The following LARP4B variants were observed in gnomAD, a reference collection of about 807,000 sequenced individuals.
LARP4B encodes La ribonucleoprotein 4B.
A neutral mutation model predicts 89.8 loss-of-function variants in LARP4B; 12 were observed. The observed-to-expected ratio is 0.13, with a 90% CI of 0.09 to 0.22. The LOEUF is 0.22. Among genes scored for constraint, LARP4B ranks in the 10% least tolerant of loss-of-function variants. LARP4B has a pLI of 1.00. For synonymous variants in LARP4B, 367 were observed against 363.3 expected, an observed-to-expected ratio of 1.01 and a Z score of -0.12; for missense variants, 757 against 947.7, an observed-to-expected ratio of 0.80 and a Z score of 2.64.
At chr10:898,421 C>T (rs1836248579) in intron 1 of LARP4B, among the ~76,000 whole-genome samples, 1 of 152,164 alleles carries the variant, frequency 6.6e-6, no homozygotes, top group East Asian at 1.9e-4. Context: ...ATGTATCTGC[C>T]TGAAAACCTG....
downstream of LARP4B, chr10:808,641 C>T (rs1831630689): frequency 6.6e-6 from 1 of 152,216 alleles, no homozygotes; most frequent in Non-Finnish European, 1.5e-5. Flanking sequence ...GAAAAAGAAA[C>T]TTTCCACATG....
chr10:906,676 G>C (rs746877662), intron 1 of LARP4B, among the ~76,000 whole-genome samples: 1 of 152,242 alleles, frequency 6.6e-6, no homozygotes, highest in Admixed American at 6.5e-5. Context: ...TGAATGCCCA[G>C]TGAACACCTT....
chr10:927,761 T>C (rs933032564), intron 1 of LARP4B, among the ~76,000 whole-genome samples: 1 of 152,222 alleles, frequency 6.6e-6, no homozygotes, highest in Non-Finnish European at 1.5e-5. Context: ...GTTCATGTCT[T>C]CTCCCCATTG....
intron 1 of LARP4B, among the ~76,000 whole-genome samples, chr10:926,470 T>C (rs971531730): frequency 1.1e-4 from 16 of 151,888 alleles, no homozygotes; most frequent in African/African-American, 3.9e-4. Flanking sequence ...GATTAAAAGG[T>C]GGGGCAGGGC....
chr10:926,661 A>T (rs1017361663), intron 1 of LARP4B, among the ~76,000 whole-genome samples: 1 of 152,266 alleles, frequency 6.6e-6, no homozygotes, highest in South Asian at 2.1e-4. Context: ...GACTTCATAA[A>T]GAACACTTTC....
the LARP4B span, among the ~76,000 whole-genome samples, chr10:941,444 G>T: frequency 2.0e-5 from 3 of 151,974 alleles, no homozygotes; most frequent in Middle Eastern, 6.4e-3. Flanking sequence ...CTCCTGAGTA[G>T]CTGGGATTAC....
At chr10:837,806 C>A (rs1833303552) in intron 7 of LARP4B, among the ~76,000 whole-genome samples, 1 of 152,108 alleles carries the variant, frequency 6.6e-6, no homozygotes, top group Non-Finnish European at 1.5e-5. Context: ...AAAAGGAAAA[C>A]TATCATAACC....
At chr10:910,942 A>C (rs1171500421) in intron 1 of LARP4B, among the ~76,000 whole-genome samples, 2 of 152,198 alleles carry the variant, frequency 1.3e-5, no homozygotes, top group Non-Finnish European at 2.9e-5. Flanking sequence ...AGTTAGGGAC[A>C]GTCCAAGTCA....
Position 825,307 on chromosome 10 carries a change from A to C in LARP4B, c.1242T>G (p.Ser414Arg). The C allele has an allele frequency of 6.2e-7, 1 of 1,613,404 alleles. No homozygotes were observed. The highest frequency in any genetic ancestry group is 8.5e-7 in the Non-Finnish European group (1 of 1,179,392). Residue 414 changes from serine (S) to arginine (R), a missense_variant, in exon 13 of 18, where the codon AGT becomes AGG. Coordinates refer to ENST00000316157, the MANE Select transcript of LARP4B (RefSeq NM_015155.3). ...RQYPPRSRNPSKSHLRHAIPS... is the reference protein window; with the variant it reads ...RQYPPRSRNPRKSHLRHAIPS... ...GAATCGCATGCCGCAGATGAGATTTACTAGGATTCCTGTAAATAAAAATGG... is the reference window on the plus strand; with the variant it reads ...GAATCGCATGCCGCAGATGAGATTTCCTAGGATTCCTGTAAATAAAAATGG...
chr10:960,398 G>A, the LARP4B span, among the ~76,000 whole-genome samples: 2 of 152,056 alleles, frequency 1.3e-5, no homozygotes, highest in Admixed American at 1.3e-4. Context: ...CTAAGAACGG[G>A]AGGGAGGCGC....
At chr10:863,925 A>G (rs973687374) in intron 4 of LARP4B, 42 bp from the exon 5 acceptor site, 2 of 1,588,428 alleles carry the variant, frequency 1.3e-6, no homozygotes, top group Non-Finnish European at 1.7e-6. Context: ...GGTTAGAAGC[A>G]TAACTTTCTC....
chr10:922,470 C>T (rs776395523), intron 1 of LARP4B, among the ~76,000 whole-genome samples: 1 of 152,032 alleles, frequency 6.6e-6, no homozygotes, highest in African/African-American at 2.4e-5. Flanking sequence ...TCCCAGCAAC[C>T]TGGGAGGCTG....
chr10:931,936 C>T (rs986644509), upstream of LARP4B, among the ~76,000 whole-genome samples: 2 of 149,520 alleles, frequency 1.3e-5, no homozygotes, highest in African/African-American at 4.9e-5. Flanking sequence ...GGCGCGTGCG[C>T]GCACATCGCC....
the LARP4B span, among the ~76,000 whole-genome samples, chr10:963,118 C>T: frequency 6.6e-6 from 1 of 152,202 alleles, no homozygotes; most frequent in Non-Finnish European, 1.5e-5. Context: ...TGGCCAGGTG[C>T]CTGCTCTCTG....
rs1416517116 is a variant in LARP4B, at chr10:822,052, T to C, written c.1485-1207A>G. On this transcript the variant is annotated intron_variant, in intron 13 of 17. Coordinates refer to ENST00000316157, the MANE Select transcript of LARP4B (RefSeq NM_015155.3). This position sits in a 1 kb window ranked among gnomAD's most constrained non-coding sequence, Gnocchi z 4.6. ...CCTGCATTATGGACAGCCACCCCAG[T>C]ACACACCTGGCTCAGCACCACTCCC... 6.6e-6 allele frequency among the ~76,000 whole-genome samples: 1 copy of C among 152,130 alleles called. No individual in the cohort carries two copies. The highest frequency in any genetic ancestry group is 1.9e-4 in the East Asian group (1 of 5,196).
intron 1 of LARP4B, among the ~76,000 whole-genome samples, chr10:910,885 G>A (rs1002948802): frequency 2.6e-5 from 4 of 152,206 alleles, no homozygotes; most frequent in Non-Finnish European, 5.9e-5. Context: ...AGATGGGTGT[G>A]AGGGTCTGGT....
intron 6 of LARP4B, 81 bp from the exon 7 acceptor site, chr10:843,149 G>C: frequency 8.0e-7 from 1 of 1,242,630 alleles, no homozygotes; most frequent in Non-Finnish European, 1.1e-6. Context: ...TTTCACAAGA[G>C]GCGTGAGTGT....
intron 11 of LARP4B, among the ~76,000 whole-genome samples, chr10:828,816 C>T (rs1832750736): frequency 6.6e-6 from 1 of 152,206 alleles, no homozygotes; most frequent in Non-Finnish European, 1.5e-5. Flanking sequence ...CCACCAAACT[C>T]ATGCTAATTC....
chr10:913,947 T>C (rs778331760), intron 1 of LARP4B, among the ~76,000 whole-genome samples: 26 of 152,062 alleles, frequency 1.7e-4, no homozygotes, highest in Non-Finnish European at 3.4e-4. Flanking sequence ...ATTAGATGAA[T>C]GTAAATAAGA....
Sources: gnomAD v4.1 joint callset for allele counts (sites outside exome capture counted in the v4.1 genomes callset) on GRCh38, gnomAD v4.1.1 for gene constraint, Gnocchi (gnomAD v3.1) non-coding constraint, MANE v1.5 for transcripts, NCBI Gene and HGNC (gene_info 2026-07-23, HGNC 2026-07-21) for gene names.